DHCR24: variants seen among roughly 807,000 people sequenced by gnomAD.
The protein encoded by DHCR24 is delta(24)-sterol reductase.
Under a neutral mutation model 61.2 loss-of-function variants are expected in DHCR24, and 28 were observed. The ratio of observed to expected loss-of-function variants is 0.46; its 90% CI spans 0.34 to 0.63. DHCR24 has a LOEUF of 0.63. DHCR24 is among the 20% of genes least tolerant of loss of function. DHCR24 has a pLI of 0.01. For missense variants in DHCR24, 538 were observed against 679.1 expected (o/e 0.79, Z 2.31); for synonymous variants, 261 against 275.9 (o/e 0.95, Z 0.54).
At chr1:54,874,726 G>T (rs1165430904) in intron 4 of DHCR24, among the ~76,000 whole-genome samples, 1 of 152,110 alleles carries the variant, frequency 6.6e-6, no homozygotes, top group Non-Finnish European at 1.5e-5. Context: ...GGACCTGGGA[G>T]CCTGATTACT....
intron 5 of DHCR24, among the ~76,000 whole-genome samples, chr1:54,866,768 G>A (rs965561834): frequency 3.9e-5 from 6 of 152,184 alleles, no homozygotes; most frequent in African/African-American, 1.4e-4. Flanking sequence ...CTGCTGGTAA[G>A]GCCACCCTGC....
At position 54,883,890 on chromosome 1, in the gene DHCR24, C is replaced by G. The variant is rs542740821; in HGVS notation, c.232-117G>C. The G allele has an allele frequency of 6.9e-7, 1 of 1,443,438 alleles. No homozygotes were observed. The highest frequency in any genetic ancestry group is 1.4e-5 in the African/African-American group (1 of 71,578). The allele number at this position is 1,443,438 out of a possible 1,614,324, so 89.4% of individuals were successfully genotyped here. A position where few individuals can be genotyped will look rare whatever the true frequency, so the allele number is the denominator to read the frequency against. Reference sequence around the variant, plus strand: ...ATGCCTCCATCAGGCACTGGAGAAACAGAACAATGAAAAGGCCTGCTGGCC... The same window carrying G: ...ATGCCTCCATCAGGCACTGGAGAAAGAGAACAATGAAAAGGCCTGCTGGCC... On this transcript the variant is annotated intron_variant, in intron 1 of 8. Coordinates refer to ENST00000371269, the MANE Select transcript of DHCR24 (RefSeq NM_014762.4). The surrounding 1 kb of genome is among the most constrained non-coding windows in gnomAD (Gnocchi z 4.3).
chr1:54,882,305 T>C (rs898167403), intron 2 of DHCR24, among the ~76,000 whole-genome samples: 3 of 152,174 alleles, frequency 2.0e-5, no homozygotes, highest in African/African-American at 7.2e-5. Context: ...GAAAAACTAC[T>C]ACACATCTAT....
At chr1:54,864,346 A>G (rs150184611) in intron 6 of DHCR24, among the ~76,000 whole-genome samples, 1 of 152,226 alleles carries the variant, frequency 6.6e-6, no homozygotes, top group Non-Finnish European at 1.5e-5. Context: ...GTGGTCTCTC[A>G]TATAATGAAC....
At chr1:54,886,521 TC>T in intron 1 of DHCR24, 1 of 1,094,068 alleles carries the variant, frequency 9.1e-7, no homozygotes, top group Non-Finnish European at 1.2e-6. Flanking sequence ...CCACACACCT[TC>T]CCCCAATCAT....
chr1:54,854,328 C>A, intron 6 of DHCR24, 94 bp from the exon 7 acceptor site: 5 of 1,138,024 alleles, frequency 4.4e-6, no homozygotes, highest in Non-Finnish European at 3.8e-6. Flanking sequence ...CCATTCTGTG[C>A]TTGACAGAAG....
intron 6 of DHCR24, among the ~76,000 whole-genome samples, chr1:54,862,999 C>A (rs1221310277): frequency 3.4e-5 from 5 of 148,374 alleles, no homozygotes; most frequent in African/African-American, 1.2e-4. Context: ...TGGCATGAAC[C>A]CGGGAAGCGG....
At chr1:54,857,285 T>C (rs1195570114) in intron 6 of DHCR24, among the ~76,000 whole-genome samples, 3 of 152,240 alleles carry the variant, frequency 2.0e-5, no homozygotes, top group Non-Finnish European at 4.4e-5. Flanking sequence ...CCTTGCTCAC[T>C]GGCTGTAGGG....
chr1:54,854,316 T>A, intron 6 of DHCR24, 82 bp from the exon 7 acceptor site: 1 of 1,282,924 alleles, frequency 7.8e-7, no homozygotes, highest in Non-Finnish European at 1.1e-6. Flanking sequence ...AGGGGCCAGG[T>A]CCCATTCTGT....
intron 6 of DHCR24, among the ~76,000 whole-genome samples, chr1:54,859,636 T>G (rs12067125): frequency 0.09 from 13,713 of 152,252 alleles, 688 homozygotes; most frequent in Admixed American, 0.11. Context: ...GGTTCATTTT[T>G]GTATTTTTAG....
chr1:54,849,802 C>G lies in DHCR24; in HGVS notation c.*2431G>C, dbSNP rs767648138. On this transcript the variant is annotated 3_prime_UTR_variant, in exon 9 of 9. Coordinates refer to ENST00000371269, the MANE Select transcript of DHCR24 (RefSeq NM_014762.4). ...GAAAATAAAAATCACACACCATACACTGCCACACCCATCTCCACCCCTCCC... is the reference window on the plus strand; with the variant it reads ...GAAAATAAAAATCACACACCATACAGTGCCACACCCATCTCCACCCCTCCC... 1.3e-5 allele frequency: 2 copies of G among 152,702 alleles called. No individual in the cohort carries two copies. Among genetic ancestry groups the G allele is most frequent in the Non-Finnish European group, 2.9e-5 (2 of 68,064 alleles). The allele number at this position is 152,702 out of a possible 1,614,324, so 9.5% of individuals were successfully genotyped here. A position where few individuals can be genotyped will look rare whatever the true frequency, so the allele number is the denominator to read the frequency against.
Position 54,852,102 on chromosome 1 carries a change from T to G in DHCR24, c.*131A>C. ...CCTGGAAGCCAGGAGGAAGGTGGTGTTGGGCTGTCAGGGTGGGAGTTCTGG... is the reference window on the plus strand; with the variant it reads ...CCTGGAAGCCAGGAGGAAGGTGGTGGTGGGCTGTCAGGGTGGGAGTTCTGG... On this transcript the variant is annotated 3_prime_UTR_variant, in exon 9 of 9. Coordinates refer to ENST00000371269, the MANE Select transcript of DHCR24 (RefSeq NM_014762.4). 6 of 1,087,860 alleles carry G rather than the reference T, an allele frequency of 5.5e-6. No individual in the cohort carries two copies. Among genetic ancestry groups the G allele is most frequent in the Non-Finnish European group, 8.0e-6 (6 of 752,478 alleles). The allele number at this position is 1,087,860 out of a possible 1,614,324, so 67.4% of individuals were successfully genotyped here.
intron 5 of DHCR24, among the ~76,000 whole-genome samples, chr1:54,869,326 C>T (rs1243646773): frequency 1.3e-5 from 2 of 152,124 alleles, no homozygotes; most frequent in African/African-American, 4.8e-5. Flanking sequence ...CAGCTCTTCT[C>T]GAGGGCTGTT....
intron 6 of DHCR24, among the ~76,000 whole-genome samples, chr1:54,855,341 C>T (rs1482333199): frequency 6.6e-6 from 1 of 151,258 alleles, no homozygotes; most frequent in Non-Finnish European, 1.5e-5. Flanking sequence ...TTGCAGTGAG[C>T]CGAGATTGTG....
At chr1:54,876,770 C>T (rs765031020) in intron 2 of DHCR24, among the ~76,000 whole-genome samples, 15 of 151,636 alleles carry the variant, frequency 9.9e-5, no homozygotes, top group Non-Finnish European at 2.9e-5. Context: ...TACTGTGAAC[C>T]GCAAATATCA....
chr1:54,883,626 T>G lies in DHCR24; in HGVS notation c.379A>C (p.Lys127Gln), dbSNP rs1291710149. The change falls in exon 2 of 9, where the codon AAG (lysine) becomes CAG (glutamine). Residue 127 changes from lysine to glutamine, a missense_variant. Coordinates refer to ENST00000371269, the MANE Select transcript of DHCR24 (RefSeq NM_014762.4). The surrounding 1 kb of genome is among the most constrained non-coding windows in gnomAD (Gnocchi z 4.3). ...NLMDILEVDT[K>Q]KQIVRVEPLV... ...AAAAGTGCTACTCTCACCTGTTTCT[T>G]GGTGTCCACTTCCAGAATGTCCATC... is the stretch of plus-strand genomic sequence containing the variant. 1 of 1,614,234 alleles carries G rather than the reference T, an allele frequency of 6.2e-7. No homozygotes were observed. Among genetic ancestry groups the G allele is most frequent in the East Asian group, 2.2e-5 (1 of 44,890 alleles).
At chr1:54,863,709 A>T (rs1646951154) in intron 6 of DHCR24, among the ~76,000 whole-genome samples, 1 of 152,246 alleles carries the variant, frequency 6.6e-6, no homozygotes, top group African/African-American at 2.4e-5. Context: ...ATTGGAATTC[A>T]TCTAAATTAA....
intron 6 of DHCR24, among the ~76,000 whole-genome samples, chr1:54,862,575 C>A (rs577654531): frequency 1.3e-5 from 2 of 152,124 alleles, no homozygotes; most frequent in African/African-American, 4.8e-5. Flanking sequence ...TGCAAGGTGT[C>A]CCAGGGTCTT....
chr1:54,860,752 G>A (rs4927169), intron 6 of DHCR24, among the ~76,000 whole-genome samples: 1 of 151,860 alleles, frequency 6.6e-6, no homozygotes, highest in Non-Finnish European at 1.5e-5. Flanking sequence ...TTGGGAGGCC[G>A]GGGCGGGCGG....
Sources: allele counts gnomAD v4.1 joint callset (sites outside exome capture counted in the v4.1 genomes callset), GRCh38; gene constraint gnomAD v4.1.1; non-coding constraint Gnocchi (gnomAD v3.1); transcripts MANE v1.5; gene names NCBI Gene and HGNC (gene_info 2026-07-23, HGNC 2026-07-21).